The following KCNMA1 variants were observed in gnomAD, a reference collection of about 807,000 sequenced individuals.
KCNMA1 encodes the protein potassium calcium-activated channel subfamily M alpha 1.
Under a neutral mutation model 140.0 loss-of-function variants are expected in KCNMA1, and 29 were observed. The observed-to-expected ratio is 0.21, with a 90% CI of 0.15 to 0.28. KCNMA1 has a LOEUF of 0.28. Among genes scored for constraint, KCNMA1 ranks in the 10% least tolerant of loss-of-function variants. KCNMA1 has a pLI of 1.00. For synonymous variants in KCNMA1, 612 were observed against 611.9 expected, an observed-to-expected ratio of 1.00 and a Z score of 0.00; for missense variants, 880 against 1,602.2, an observed-to-expected ratio of 0.55 and a Z score of 7.70.
At chr10:77,030,852 T>A (rs886492910) in intron 15 of KCNMA1, among the ~76,000 whole-genome samples, 1 of 152,202 alleles carries the variant, frequency 6.6e-6, no homozygotes, top group Non-Finnish European at 1.5e-5. Flanking sequence ...GATTCTACAA[T>A]GCCTTATAGA....
At chr10:77,584,486 C>G (rs1224971560) in intron 1 of KCNMA1, among the ~76,000 whole-genome samples, 2 of 152,150 alleles carry the variant, frequency 1.3e-5, no homozygotes, top group Non-Finnish European at 2.9e-5. Flanking sequence ...TCCAGAGTAG[C>G]TGGGACTACA....
chr10:77,503,849 T>C (rs1022168587), intron 1 of KCNMA1, among the ~76,000 whole-genome samples: 5 of 152,312 alleles, frequency 3.3e-5, no homozygotes, highest in African/African-American at 1.2e-4. Flanking sequence ...GTCCCCACCA[T>C]ATTAGCAACA....
At chr10:77,610,995 G>C (rs766800724) in intron 1 of KCNMA1, among the ~76,000 whole-genome samples, 2 of 152,202 alleles carry the variant, frequency 1.3e-5, no homozygotes, top group African/African-American at 4.8e-5. Flanking sequence ...TATGTGAACT[G>C]AGCCAAATTA....
intron 5 of KCNMA1, among the ~76,000 whole-genome samples, chr10:77,141,762 C>G (rs889846749): frequency 1.3e-4 from 20 of 152,218 alleles, no homozygotes; most frequent in African/African-American, 4.8e-4. Flanking sequence ...AAAATATCCA[C>G]ATTCCACAAG....
intron 3 of KCNMA1, among the ~76,000 whole-genome samples, chr10:77,222,276 C>A (rs559186987): frequency 6.6e-6 from 1 of 152,272 alleles, no homozygotes; most frequent in South Asian, 2.1e-4. Flanking sequence ...GAAGAGCACT[C>A]TTTATGAGCA....
At chr10:77,538,409 G>A (rs537841166) in intron 1 of KCNMA1, among the ~76,000 whole-genome samples, 28 of 152,224 alleles carry the variant, frequency 1.8e-4, no homozygotes, top group Non-Finnish European at 3.2e-4. Flanking sequence ...ATCCTTGGTC[G>A]CTGAAGCAGC....
chr10:77,634,247 C>A lies in KCNMA1; in HGVS notation c.378+3018G>T, dbSNP rs1054173295. On this transcript the variant is annotated intron_variant, in intron 1 of 27. Transcript: ENST00000286628. ...TGATGAAATCCCACAAGGAAAAAAA[C>A]AATAATGTGAAAAAGTACAGCAAAG... is the stretch of plus-strand genomic sequence containing the variant. The A allele has an allele frequency of 1.4e-5, 14 of 985,326 alleles. No individual in the cohort carries two copies. The Middle Eastern group carries it at 1.6e-3, about 110-fold the overall frequency. The allele number at this position is 985,326 out of a possible 1,614,324, so 61.0% of individuals were successfully genotyped here.
chr10:77,403,504 G>A (rs1010389724), intron 2 of KCNMA1, among the ~76,000 whole-genome samples: 1 of 152,086 alleles, frequency 6.6e-6, no homozygotes, highest in Non-Finnish European at 1.5e-5. Flanking sequence ...CAGGATCCCC[G>A]CATTTGTAGC....
At chr10:77,608,239 C>A (rs1195517259) in intron 1 of KCNMA1, among the ~76,000 whole-genome samples, 1 of 152,122 alleles carries the variant, frequency 6.6e-6, no homozygotes, top group Non-Finnish European at 1.5e-5. Context: ...ATGATACAAT[C>A]TTGGTTCACT....
chr10:77,536,986 G>C (rs913365302), intron 1 of KCNMA1, among the ~76,000 whole-genome samples: 1 of 152,166 alleles, frequency 6.6e-6, no homozygotes, highest in African/African-American at 2.4e-5. Flanking sequence ...GACCTTGTAT[G>C]GTGTCTGGGA....
At chr10:77,170,692 G>C (rs1440785693) in intron 5 of KCNMA1, among the ~76,000 whole-genome samples, 2 of 152,150 alleles carry the variant, frequency 1.3e-5, no homozygotes, top group Non-Finnish European at 2.9e-5. Flanking sequence ...TTTCCTGAAT[G>C]AGTTGACCCT....
intron 15 of KCNMA1, among the ~76,000 whole-genome samples, chr10:77,038,059 G>A (rs373553721): frequency 2.0e-5 from 3 of 152,080 alleles, no homozygotes; most frequent in African/African-American, 4.8e-5. Context: ...TAAAACTTTC[G>A]CTTAGAGACA....
chr10:77,631,106 CAAAAAAAA>C (rs397944676), intron 1 of KCNMA1, among the ~76,000 whole-genome samples: 1 of 61,330 alleles, frequency 1.6e-5, no homozygotes, highest in African/African-American at 7.3e-5. Context: ...GACCCTGTCC[CAAAAAAAA>C]AAAAAAAAAA....
chr10:76,885,599 T>G lies in KCNMA1; in HGVS notation c.*1667A>C. On this transcript the variant is annotated 3_prime_UTR_variant, in exon 28 of 28. Coordinates refer to ENST00000286628, the MANE Select transcript of KCNMA1 (RefSeq NM_001161352.2). ...TTTTAGAGATGGTACAGCTGTGACATGTTTTCCTCCTCCCTTTTACCCCTA... is the reference window on the plus strand; with the variant it reads ...TTTTAGAGATGGTACAGCTGTGACAGGTTTTCCTCCTCCCTTTTACCCCTA... 3.0e-6 allele frequency: 3 copies of G among 985,412 alleles called. No individual in the cohort carries two copies. Among genetic ancestry groups the G allele is most frequent in the Non-Finnish European group, 3.6e-6 (3 of 829,938 alleles). 61.0% of individuals were successfully genotyped at this position (985,412 alleles called of 1,614,324 possible).
intron 3 of KCNMA1, among the ~76,000 whole-genome samples, chr10:77,219,094 C>T (rs533628021): frequency 6.6e-6 from 1 of 152,234 alleles, no homozygotes; most frequent in South Asian, 2.1e-4. Flanking sequence ...ACAAATATGA[C>T]TCCATATCAC....
chr10:77,385,232 C>T (rs1003302752), intron 2 of KCNMA1, among the ~76,000 whole-genome samples: 2 of 152,110 alleles, frequency 1.3e-5, no homozygotes, highest in Non-Finnish European at 2.9e-5. Context: ...TATTTCTTCT[C>T]TCTCTCTCTC....
chr10:76,891,337 T>A, intron 26 of KCNMA1, 188 bp downstream of exon 26: 1 of 621,552 alleles, frequency 1.6e-6, no homozygotes, highest in South Asian at 1.9e-5. Flanking sequence ...AAGATTAAAA[T>A]GAATGACTAT....
chr10:77,321,689 T>G (rs2154355376), intron 2 of KCNMA1, among the ~76,000 whole-genome samples: 1 of 152,342 alleles, frequency 6.6e-6, no homozygotes, highest in African/African-American at 2.4e-5. Flanking sequence ...CATATGAGTC[T>G]ATTTTTAATT....
intron 1 of KCNMA1, among the ~76,000 whole-genome samples, chr10:77,508,135 T>C (rs1006946988): frequency 6.6e-6 from 1 of 152,204 alleles, no homozygotes; most frequent in African/African-American, 2.4e-5. Flanking sequence ...CATTCAAATA[T>C]GAACAGCAAT....
Sources: allele counts gnomAD v4.1 joint callset (sites outside exome capture counted in the v4.1 genomes callset), GRCh38; gene constraint gnomAD v4.1.1; transcripts MANE v1.5; gene names NCBI Gene and HGNC (gene_info 2026-07-23, HGNC 2026-07-21).